Variants in COL28A1 observed in about 807,000 individuals in gnomAD.
COL28A1 encodes collagen alpha-1(XXVIII) chain.
COL28A1 carries 161 observed loss-of-function variants against 150.2 expected under a neutral mutation model. The ratio of observed to expected loss-of-function variants is 1.07; its 90% CI spans 0.94 to 1.22. COL28A1 has a LOEUF of 1.22. Ranked by LOEUF, COL28A1 falls within the 50% of genes most tolerant of loss-of-function variation. The pLI, the probability that COL28A1 is intolerant of heterozygous loss-of-function variation, is 0.00. For missense variants in COL28A1, 1,617 were observed against 1,388.3 expected, an observed-to-expected ratio of 1.16 and a Z score of -2.62; for synonymous variants, 552 against 469.7, an observed-to-expected ratio of 1.18 and a Z score of -2.26.
rs1442097418 is a variant in COL28A1, at chr7:7,380,669, T to G, written c.2313A>C (p.Leu771=). The G allele has an allele frequency of 6.2e-7, 1 of 1,613,670 alleles. No homozygotes were observed. The highest frequency in any genetic ancestry group is 2.2e-5 in the East Asian group (1 of 44,876). ...KQGLQGPKGD[L]GLTKEEIIKL... ...TAGAATGGATACTCACTGTAAGTCCTAGGTCTCCTTTGGGTCCTTGTAAAC... is the reference window on the plus strand; with the variant it reads ...TAGAATGGATACTCACTGTAAGTCCGAGGTCTCCTTTGGGTCCTTGTAAAC... The change falls in exon 30 of 35, where the codon CTA becomes CTC. Residue 771 remains leucine (L), a synonymous_variant. Transcript: ENST00000399429.
At chr7:7,378,132 T>C (rs973413063) in intron 30 of COL28A1, among the ~76,000 whole-genome samples, 4 of 151,928 alleles carry the variant, frequency 2.6e-5, no homozygotes, top group South Asian at 2.1e-4. Context: ...CTTGGGAGAA[T>C]TGTCCGGGCA....
At position 7,440,675 on chromosome 7, in the gene COL28A1, T is replaced by C. The variant is rs181624752; in HGVS notation, c.1722+115A>G. 226 of 560,986 alleles carry C rather than the reference T, an allele frequency of 4.0e-4. 1 individual carries two copies. Among genetic ancestry groups the C allele is most frequent in the Non-Finnish European group, 5.2e-5 (16 of 305,220 alleles). 34.8% of individuals were successfully genotyped at this position (560,986 alleles called of 1,614,324 possible). A position where few individuals can be genotyped will look rare whatever the true frequency, so the allele number is the denominator to read the frequency against. On this transcript the variant is annotated intron_variant, in intron 21 of 34. Transcript: ENST00000399429. Reference sequence around the variant, plus strand: ...GTTTCTTATTTTGGGGTATTTGTTTTGTACTTGTTGGGAAGGAAACAAGGA... The same window carrying C: ...GTTTCTTATTTTGGGGTATTTGTTTCGTACTTGTTGGGAAGGAAACAAGGA...
At chr7:7,477,818 T>G (rs922359629) in intron 13 of COL28A1, among the ~76,000 whole-genome samples, 5 of 152,158 alleles carry the variant, frequency 3.3e-5, no homozygotes, top group African/African-American at 7.2e-5. Context: ...CAGCCTGCTT[T>G]TATTCTATTA....
upstream of COL28A1, among the ~76,000 whole-genome samples, chr7:7,538,941 CCTTTCTTT>C (rs142979785): frequency 6.6e-6 from 1 of 150,928 alleles, no homozygotes; most frequent in African/African-American, 2.4e-5. Flanking sequence ...AAGATCCTTT[CCTTTCTTT>C]CTTTCTTTTT....
chr7:7,362,086 A>G (rs76261795), intron 33 of COL28A1, among the ~76,000 whole-genome samples: 1 of 152,166 alleles, frequency 6.6e-6, no homozygotes, highest in Non-Finnish European at 1.5e-5. Context: ...AGTAGATTAC[A>G]GGTTGATGGG....
chr7:7,445,060 C>T (rs1786146603), intron 18 of COL28A1, among the ~76,000 whole-genome samples: 1 of 152,296 alleles, frequency 6.6e-6, no homozygotes, highest in East Asian at 1.9e-4. Context: ...TTCCCCTTCA[C>T]CTTTTGCCAG....
chr7:7,494,447 C>A (rs1780094624), intron 11 of COL28A1, among the ~76,000 whole-genome samples: 1 of 152,132 alleles, frequency 6.6e-6, no homozygotes, highest in African/African-American at 2.4e-5. Flanking sequence ...ACAATTTTAG[C>A]TTTTGCAAGA....
intron 31 of COL28A1, among the ~76,000 whole-genome samples, chr7:7,374,038 A>AAAAAAAAAAAAAATATATATATAT: frequency 4.4e-5 from 5 of 113,614 alleles, no homozygotes; most frequent in African/African-American, 1.9e-4. Context: ...AAAAAAAAAA[A>AAAAAAAAAAAAAATATATATATAT]ATATATATAT....
In COL28A1 at chr7:7,504,333, C is replaced by CA. The variant is rs568482161; in HGVS notation, c.1026+1680dup. On this transcript the variant is annotated intron_variant, in intron 11 of 34. Coordinates refer to ENST00000399429, the MANE Select transcript of COL28A1 (RefSeq NM_001037763.3). ...GCAACAAAGCGAGAGCCCATCTCTACAAAAAAAAAAATTATAATTTAGCCA... is the reference window on the plus strand; with the variant it reads ...GCAACAAAGCGAGAGCCCATCTCTACAAAAAAAAAAAATTATAATTTAGCCA... 1.5e-3 allele frequency among the ~76,000 whole-genome samples: 216 copies of CA among 144,312 alleles called. 2 individuals carry two copies. In the East Asian group the frequency reaches 0.022, roughly 15 times the overall value. The allele number at this position is 144,312 out of a possible 152,430, so 94.7% of individuals were successfully genotyped here. A position where few individuals can be genotyped will look rare whatever the true frequency, so the allele number is the denominator to read the frequency against.
intron 18 of COL28A1, among the ~76,000 whole-genome samples, chr7:7,444,811 T>A (rs1481210157): frequency 6.6e-6 from 1 of 152,086 alleles, no homozygotes; most frequent in East Asian, 1.9e-4. Flanking sequence ...GGGCCCTAAT[T>A]CAGTATAAAA....
intron 33 of COL28A1, among the ~76,000 whole-genome samples, chr7:7,364,736 C>T (rs997080577): frequency 6.6e-6 from 1 of 152,074 alleles, no homozygotes. Flanking sequence ...AAATTTCCTC[C>T]CCTCCACTAT....
intron 33 of COL28A1, among the ~76,000 whole-genome samples, chr7:7,364,419 A>G (rs1325276210): frequency 2.0e-5 from 3 of 152,224 alleles, no homozygotes; most frequent in Non-Finnish European, 2.9e-5. Flanking sequence ...AGGACTCTAC[A>G]TAAAAAACTA....
chr7:7,360,178 C>A (rs1160457435), intron 34 of COL28A1, among the ~76,000 whole-genome samples: 1 of 152,134 alleles, frequency 6.6e-6, no homozygotes, highest in African/African-American at 2.4e-5. Context: ...ACCAAATTTA[C>A]TCCACAGTTT....
chr7:7,459,785 G>A (rs1351422826), intron 15 of COL28A1, among the ~76,000 whole-genome samples: 1 of 152,242 alleles, frequency 6.6e-6, no homozygotes, highest in Admixed American at 6.5e-5. Context: ...GTAGGCCGTG[G>A]TGTCAAACAT....
At chr7:7,517,266 A>G (rs1781466670) in intron 7 of COL28A1, among the ~76,000 whole-genome samples, 1 of 152,156 alleles carries the variant, frequency 6.6e-6, no homozygotes, top group Non-Finnish European at 1.5e-5. Flanking sequence ...TATGCACCGT[A>G]CACATCTCTG....
intron 8 of COL28A1, among the ~76,000 whole-genome samples, chr7:7,514,890 T>A (rs953686233): frequency 6.6e-6 from 1 of 152,028 alleles, no homozygotes; most frequent in African/African-American, 2.4e-5. Context: ...CCCTCCAGCC[T>A]AGGAAAATGA....
rs138688284 is a variant in COL28A1, at chr7:7,381,606, G to C, written c.2143C>G (p.Gln715Glu). ...GYGSQGIKGE[Q>E]GPQGFPGPKG... ...GGGCCTGGGAAGCCTTGTGGTCCTT[G>C]TTCCCCCTACATAGGATATGAGAAA... The change falls in exon 28 of 35, where the codon CAA (glutamine) becomes GAA (glutamate). Residue 715 changes from glutamine to glutamate, a missense_variant. Coordinates refer to ENST00000399429, the MANE Select transcript of COL28A1 (RefSeq NM_001037763.3). The C allele has an allele frequency of 4.6e-5, 74 of 1,612,768 alleles. No individual in the cohort carries two copies. The African/African-American group carries it at 8.7e-4, about 19-fold the overall frequency.
At chr7:7,478,890 G>A (rs1025671287) in intron 13 of COL28A1, among the ~76,000 whole-genome samples, 5 of 152,342 alleles carry the variant, frequency 3.3e-5, no homozygotes, top group South Asian at 2.1e-4. Flanking sequence ...GCCTGCAAGC[G>A]CCAGGCAGCC....
chr7:7,361,578 T>G (rs1780655905), intron 33 of COL28A1, among the ~76,000 whole-genome samples: 1 of 152,232 alleles, frequency 6.6e-6, no homozygotes, highest in Non-Finnish European at 1.5e-5. Context: ...TGATCTACAT[T>G]TCTCTAATGA....
Sources: allele counts gnomAD v4.1 joint callset (sites outside exome capture counted in the v4.1 genomes callset), GRCh38; gene constraint gnomAD v4.1.1; transcripts MANE v1.5; gene names NCBI Gene and HGNC (gene_info 2026-07-23, HGNC 2026-07-21).